The following TENM3 variants were observed in gnomAD, a reference collection of about 807,000 sequenced individuals.
TENM3 encodes the protein teneurin-3.
Under a neutral mutation model 255.1 loss-of-function variants are expected in TENM3, and 63 were observed. The ratio of observed to expected loss-of-function variants is 0.25; its 90% CI spans 0.20 to 0.30. The LOEUF (loss-of-function observed/expected upper bound fraction) is 0.30. Ranked by LOEUF, TENM3 falls within the 10% of genes least tolerant of loss-of-function variation. The pLI, the probability that TENM3 is intolerant of heterozygous loss-of-function variation, is 1.00. For synonymous variants in TENM3, 1,306 were observed against 1,322.3 expected (o/e 0.99, Z 0.27); for missense variants, 2,929 against 3,461.1 (o/e 0.85, Z 3.86).
At chr4:182,752,073 T>TAAAA (rs5864797) in intron 20 of TENM3, 41 bp downstream of exon 20, 884 of 919,868 alleles carry the variant, frequency 9.6e-4, no homozygotes, top group South Asian at 3.9e-3. Context: ...TTTTATTTAT[T>TAAAA]AAAAAAAAAA....
At chr4:182,737,592 G>T (rs1462016058) in intron 17 of TENM3, among the ~76,000 whole-genome samples, 1 of 152,174 alleles carries the variant, frequency 6.6e-6, no homozygotes, top group Non-Finnish European at 1.5e-5. Flanking sequence ...TTTATTGAAT[G>T]ACTGAACAGT....
intron 3 of TENM3, among the ~76,000 whole-genome samples, chr4:182,483,751 G>T (rs1441213738): frequency 2.6e-5 from 4 of 152,108 alleles, no homozygotes; most frequent in Admixed American, 2.6e-4. Flanking sequence ...GGCTGTACAG[G>T]AAGTATGGCT....
At chr4:181,725,478 G>C in the TENM3 span, among the ~76,000 whole-genome samples, 1 of 141,296 alleles carries the variant, frequency 7.1e-6, no homozygotes, top group East Asian at 2.1e-4. Flanking sequence ...TTTTTTAGAC[G>C]GAGTCTCACT....
At position 182,622,626 on chromosome 4, in the gene TENM3, C is replaced by G. The variant is rs538931423; in HGVS notation, c.750-6025C>G. ...ATAAAGCTAAAACACACATCCCAGG[C>G]TTGCTTTTTGGTTTTTATAATTTCC... On this transcript the variant is annotated intron_variant, in intron 4 of 27. Transcript: ENST00000511685. 2.0e-5 allele frequency among the ~76,000 whole-genome samples: 3 copies of G among 152,250 alleles called. No homozygotes were observed. In the South Asian group the frequency reaches 6.2e-4, roughly 32 times the overall value.
At chr4:182,197,859 C>A (rs112179643) in intron 1 of TENM3, among the ~76,000 whole-genome samples, 6 of 152,204 alleles carry the variant, frequency 3.9e-5, no homozygotes, top group African/African-American at 1.2e-4. Flanking sequence ...AATCCCAGCA[C>A]TTCGGGAGGC....
chr4:181,707,925 C>T, the TENM3 span, among the ~76,000 whole-genome samples: 1 of 151,938 alleles, frequency 6.6e-6, no homozygotes, highest in East Asian at 1.9e-4. Flanking sequence ...AAAATAAAGG[C>T]TATAGCAGAA....
chr4:182,029,135 A>C, the TENM3 span, among the ~76,000 whole-genome samples: 1 of 152,120 alleles, frequency 6.6e-6, no homozygotes, highest in Middle Eastern at 3.2e-3. Flanking sequence ...GGAAGCTTAC[A>C]ATCATGGCAG....
chr4:181,761,271 A>T, the TENM3 span, among the ~76,000 whole-genome samples: 1 of 152,132 alleles, frequency 6.6e-6, no homozygotes, highest in Admixed American at 6.5e-5. Context: ...AATCGTGCTT[A>T]TACACGAGAG....
chr4:182,558,298 G>C (rs1742780979), intron 3 of TENM3, among the ~76,000 whole-genome samples: 1 of 152,208 alleles, frequency 6.6e-6, no homozygotes, highest in Non-Finnish European at 1.5e-5. Context: ...CTGGACTCTA[G>C]CTGTAATTGC....
intron 22 of TENM3, among the ~76,000 whole-genome samples, chr4:182,765,882 GAAAT>G (rs772975976): frequency 3.9e-5 from 6 of 152,068 alleles, no homozygotes; most frequent in Non-Finnish European, 4.4e-5. Context: ...TATTCCAAAA[GAAAT>G]AACACTTAAC....
intron 12 of TENM3, among the ~76,000 whole-genome samples, chr4:182,695,303 G>T (rs1355690265): frequency 1.3e-5 from 2 of 152,058 alleles, no homozygotes; most frequent in Non-Finnish European, 2.9e-5. Context: ...TCCTTCATTT[G>T]CACTGGCACC....
intron 3 of TENM3, among the ~76,000 whole-genome samples, chr4:182,528,778 A>G (rs1484669173): frequency 6.6e-6 from 1 of 152,222 alleles, no homozygotes; most frequent in Non-Finnish European, 1.5e-5. Context: ...AGGCACTAAC[A>G]GTAGTAGCCC....
chr4:181,514,549 C>T, the TENM3 span, among the ~76,000 whole-genome samples: 1 of 152,116 alleles, frequency 6.6e-6, no homozygotes, highest in Non-Finnish European at 1.5e-5. Context: ...CTTTAGCTCA[C>T]TTGGCTTTGC....
chr4:182,038,290 C>G, the TENM3 span, among the ~76,000 whole-genome samples: 2 of 152,116 alleles, frequency 1.3e-5, no homozygotes, highest in African/African-American at 4.8e-5. Flanking sequence ...TTTCCGCTAA[C>G]TAGGGCAAAA....
Position 182,789,011 on chromosome 4 carries a change from G to A in TENM3, c.5305-82G>A, listed in dbSNP as rs539713675. 4.3e-5 allele frequency: 53 copies of A among 1,236,920 alleles called. No individual in the cohort carries two copies. Among genetic ancestry groups the A allele is most frequent in the Non-Finnish European group, 5.4e-5 (49 of 905,916 alleles). 76.6% of individuals were successfully genotyped at this position (1,236,920 alleles called of 1,614,324 possible). On this transcript the variant is annotated intron_variant, in intron 24 of 27. Transcript: ENST00000511685. This position sits in a 1 kb window ranked among gnomAD's most constrained non-coding sequence, Gnocchi z 4.4. ...TTACTGACAAAGAGAATCAATCATCGTAAATGGTGTTTAAACAATACTGGG... is the reference window on the plus strand; with the variant it reads ...TTACTGACAAAGAGAATCAATCATCATAAATGGTGTTTAAACAATACTGGG...
At chr4:181,779,654 A>G in the TENM3 span, among the ~76,000 whole-genome samples, 6 of 152,096 alleles carry the variant, frequency 3.9e-5, no homozygotes, top group East Asian at 9.7e-4. Context: ...TTTTTTTATT[A>G]TAGTTTAAGT....
chr4:182,101,073 A>AG, the TENM3 span, among the ~76,000 whole-genome samples: 30 of 4,216 alleles, frequency 7.1e-3, 1 homozygote, highest in South Asian at 0.02. Flanking sequence ...AGGAAAAGAA[A>AG]GGAAGGGAGG....
chr4:181,721,823 G>A, the TENM3 span, among the ~76,000 whole-genome samples: 3 of 151,992 alleles, frequency 2.0e-5, no homozygotes, highest in Non-Finnish European at 4.4e-5. Flanking sequence ...GTAGCCTCTC[G>A]GCTTAGACTA....
At chr4:182,681,393 G>A (rs4861518) in intron 10 of TENM3, among the ~76,000 whole-genome samples, 152,089 of 152,342 alleles carry the variant, frequency 1, 75,919 homozygotes, top group Non-Finnish European at 1. Flanking sequence ...AAAGCACATT[G>A]AAGTGAATTA....
Sources: gnomAD v4.1 joint callset for allele counts (sites outside exome capture counted in the v4.1 genomes callset) on GRCh38, gnomAD v4.1.1 for gene constraint, Gnocchi (gnomAD v3.1) non-coding constraint, MANE v1.5 for transcripts, NCBI Gene and HGNC (gene_info 2026-07-23, HGNC 2026-07-21) for gene names.